FKBP5: variants seen among roughly 807,000 people sequenced by gnomAD.
The protein encoded by FKBP5 is peptidyl-prolyl cis-trans isomerase FKBP5.
FKBP5 carries 23 observed loss-of-function variants against 50.5 expected under a neutral mutation model. That is an observed-to-expected ratio of 0.46 (90% CI 0.33 to 0.65). The LOEUF (loss-of-function observed/expected upper bound fraction) is 0.65, where lower values mean the gene tolerates loss of function less well. FKBP5 is among the 30% of genes least tolerant of loss of function. The pLI is 0.02. For missense variants in FKBP5, 411 were observed against 553.1 expected (o/e 0.74, Z 2.58); for synonymous variants, 176 against 190.6 (o/e 0.92, Z 0.63).
chr6:35,617,031 T>C (rs954790784), intron 5 of FKBP5, among the ~76,000 whole-genome samples: 4 of 151,468 alleles, frequency 2.6e-5, no homozygotes, highest in Admixed American at 2.6e-4. Context: ...CGCCCAGAGG[T>C]GAAGTCTAGT....
intron 1 of FKBP5, among the ~76,000 whole-genome samples, chr6:35,650,253 G>A (rs1300614302): frequency 6.7e-6 from 1 of 148,608 alleles, no homozygotes; most frequent in Non-Finnish European, 1.5e-5. Flanking sequence ...TCACGCCATG[G>A]TTGCACCACT....
At chr6:35,584,190 A>G in intron 8 of FKBP5, 1 of 985,410 alleles carries the variant, frequency 1.0e-6, no homozygotes, top group Non-Finnish European at 1.2e-6. Context: ...TTATGCTGTT[A>G]CCTGTACTTA....
intron 9 of FKBP5, among the ~76,000 whole-genome samples, chr6:35,578,885 A>G (rs1762321046): frequency 6.6e-6 from 1 of 152,180 alleles, no homozygotes; most frequent in African/African-American, 2.4e-5. Flanking sequence ...AATGTAGTCA[A>G]GGCTGTGCTG....
chr6:35,702,426 T>A (rs1766205357), intron 2 of FKBP5, among the ~76,000 whole-genome samples: 1 of 150,884 alleles, frequency 6.6e-6, no homozygotes, highest in South Asian at 2.1e-4. Context: ...CTAAAACAAC[T>A]GGATAATGGC....
At chr6:35,605,815 T>C (rs927564173) in intron 5 of FKBP5, among the ~76,000 whole-genome samples, 2 of 152,166 alleles carry the variant, frequency 1.3e-5, no homozygotes, top group African/African-American at 4.8e-5. Context: ...CAGCAATCAG[T>C]ATGCGGCAAG....
At chr6:35,637,744 G>A (rs981182303) in intron 2 of FKBP5, among the ~76,000 whole-genome samples, 1 of 152,096 alleles carries the variant, frequency 6.6e-6, no homozygotes. Context: ...TTACAAGCAT[G>A]AGCCACCGCG....
chr6:35,627,197 A>C (rs772459632), intron 3 of FKBP5, among the ~76,000 whole-genome samples: 1 of 152,022 alleles, frequency 6.6e-6, no homozygotes, highest in Non-Finnish European at 1.5e-5. Context: ...GTAATACTTC[A>C]CTGTGGTTTT....
chr6:35,585,657 T>C, intron 8 of FKBP5: 1 of 928,462 alleles, frequency 1.1e-6, no homozygotes, highest in Non-Finnish European at 1.3e-6. Flanking sequence ...ATTTATATAT[T>C]TATACTTATC....
At chr6:35,625,460 G>A (rs907469710) in intron 3 of FKBP5, among the ~76,000 whole-genome samples, 6 of 151,786 alleles carry the variant, frequency 4.0e-5, no homozygotes, top group Middle Eastern at 3.4e-3. Context: ...AGAATAGGCC[G>A]GTGCAGTGGC....
upstream of FKBP5, among the ~76,000 whole-genome samples, chr6:35,691,226 C>T (rs1448685628): frequency 1.3e-5 from 2 of 152,044 alleles, no homozygotes; most frequent in Non-Finnish European, 2.9e-5. Context: ...GGAATCAGCT[C>T]TTCCTACGAG....
chr6:35,678,663 G>C (rs1233634592), intron 1 of FKBP5, among the ~76,000 whole-genome samples: 1 of 152,088 alleles, frequency 6.6e-6, no homozygotes, highest in Non-Finnish European at 1.5e-5. Context: ...GTCAATCTCT[G>C]AGCTAAAACA....
chr6:35,582,871 C>T (rs1469295180), intron 8 of FKBP5: 1 of 963,188 alleles, frequency 1.0e-6, no homozygotes, highest in East Asian at 1.1e-4. Context: ...ACCAAGAGGT[C>T]TTTAATAAAG....
At chr6:35,584,930 C>G in intron 8 of FKBP5, 1 of 985,446 alleles carries the variant, frequency 1.0e-6, no homozygotes, top group South Asian at 4.7e-5. Context: ...AGTAACTGTA[C>G]AGACACTCAT....
At chr6:35,601,425 C>T (rs552540691) in intron 5 of FKBP5, among the ~76,000 whole-genome samples, 5 of 152,306 alleles carry the variant, frequency 3.3e-5, no homozygotes, top group East Asian at 1.9e-4. Flanking sequence ...AAAAGTTCTA[C>T]GAGACTGCTG....
rs141582817 is a variant in FKBP5 at position 35,679,575 on chromosome 6, G to A, written c.-20+9229C>T. The stretch of plus-strand genomic sequence containing the variant: ...AGAAAACATGGCATACACACACAAC[G>A]GAATACTACTCAGCCATAAAAAAGG... On this transcript the variant is annotated intron_variant, in intron 1 of 10. Transcript: ENST00000357266. Among the ~76,000 whole-genome samples the A allele has an allele frequency of 1.1e-4, 16 of 152,182 alleles. 1 individual carries two copies. The East Asian group carries it at 3.1e-3, about 29-fold the overall frequency.
chr6:35,581,531 A>G, intron 8 of FKBP5: 1 of 960,048 alleles, frequency 1.0e-6, no homozygotes, highest in Non-Finnish European at 1.2e-6. Flanking sequence ...CAGAGGTTGC[A>G]GTGAGCCAAG....
intron 8 of FKBP5, chr6:35,581,703 T>C (rs749060220): frequency 3.0e-6 from 3 of 985,308 alleles, no homozygotes; most frequent in African/African-American, 1.7e-5. Flanking sequence ...AATACGCAAA[T>C]AGAAACAGGA....
At chr6:35,653,505 A>G (rs1764869439) in intron 1 of FKBP5, among the ~76,000 whole-genome samples, 1 of 152,236 alleles carries the variant, frequency 6.6e-6, no homozygotes, top group East Asian at 1.9e-4. Flanking sequence ...TCTTGAGAAC[A>G]TGATATCTGG....
At chr6:35,626,502 A>G (rs1455885561) in intron 3 of FKBP5, among the ~76,000 whole-genome samples, 7 of 152,144 alleles carry the variant, frequency 4.6e-5, no homozygotes, top group Non-Finnish European at 2.9e-5. Flanking sequence ...TTGTGGGGGG[A>G]TAAAAAAAAG....
Sources: allele counts gnomAD v4.1 joint callset (sites outside exome capture counted in the v4.1 genomes callset), GRCh38; gene constraint gnomAD v4.1.1; transcripts MANE v1.5; gene names NCBI Gene and HGNC (gene_info 2026-07-23, HGNC 2026-07-21).